The following CSNK1G3 variants were observed in gnomAD, a reference collection of about 807,000 sequenced individuals.
CSNK1G3 encodes the protein casein kinase 1 gamma 3.
Under a neutral mutation model 64.3 loss-of-function variants are expected in CSNK1G3, and 23 were observed. That is an observed-to-expected ratio of 0.36 (90% CI 0.26 to 0.51). The LOEUF is 0.51. Ranked by LOEUF, CSNK1G3 falls within the 20% of genes least tolerant of loss-of-function variation. The pLI, the probability that CSNK1G3 is intolerant of heterozygous loss-of-function variation, is 0.96. For synonymous variants in CSNK1G3, 158 were observed against 162.2 expected (o/e 0.97, Z 0.20); for missense variants, 357 against 510.5 (o/e 0.70, Z 2.90).
chr5:123,518,723 A>G (rs560434854), intron 1 of CSNK1G3, among the ~76,000 whole-genome samples: 2 of 152,320 alleles, frequency 1.3e-5, no homozygotes, highest in Non-Finnish European at 2.9e-5. Context: ...ACCTTCTGCA[A>G]TTGGTGTTGG....
intron 6 of CSNK1G3, among the ~76,000 whole-genome samples, chr5:123,579,006 A>G (rs1789716266): frequency 6.6e-6 from 1 of 151,998 alleles, no homozygotes; most frequent in African/African-American, 2.4e-5. Context: ...ATGTGAACCA[A>G]TCAGTATATA....
chr5:123,557,930 C>T (rs1471260953), intron 4 of CSNK1G3, among the ~76,000 whole-genome samples: 2 of 152,116 alleles, frequency 1.3e-5, no homozygotes, highest in African/African-American at 2.4e-5. Flanking sequence ...TCCCTAGAAC[C>T]TCTACATGTT....
chr5:123,567,795 G>C (rs567498678), intron 4 of CSNK1G3, among the ~76,000 whole-genome samples: 1 of 152,170 alleles, frequency 6.6e-6, no homozygotes, highest in Non-Finnish European at 1.5e-5. Flanking sequence ...GTTGTGGGCT[G>C]TGAATTTTAA....
intron 1 of CSNK1G3, among the ~76,000 whole-genome samples, chr5:123,532,633 T>C (rs917100876): frequency 5.3e-5 from 8 of 151,908 alleles, no homozygotes; most frequent in African/African-American, 1.9e-4. Flanking sequence ...CTATTATTGA[T>C]GGCGTCTGTT....
At chr5:123,571,699 T>C (rs1388892593) in intron 4 of CSNK1G3, among the ~76,000 whole-genome samples, 2 of 152,166 alleles carry the variant, frequency 1.3e-5, no homozygotes, top group Admixed American at 1.3e-4. Flanking sequence ...AATAATGTTA[T>C]ATTTAAAAAA....
At chr5:123,605,349 G>A (rs1413537409) in exon 12 of CSNK1G3, 1 of 1,609,632 alleles carries the variant, frequency 6.2e-7, no homozygotes, top group Non-Finnish European at 8.5e-7. Flanking sequence ...CTGCCAGAAA[G>A]TGTTGAACAT....
intron 4 of CSNK1G3, among the ~76,000 whole-genome samples, chr5:123,558,198 T>C (rs1020401689): frequency 4.6e-5 from 7 of 152,128 alleles, no homozygotes; most frequent in Non-Finnish European, 7.4e-5. Flanking sequence ...TCCATAACTG[T>C]AAAAAAATAA....
At chr5:123,579,705 A>G (rs1318070064) in intron 6 of CSNK1G3, among the ~76,000 whole-genome samples, 1 of 152,008 alleles carries the variant, frequency 6.6e-6, no homozygotes, top group Non-Finnish European at 1.5e-5. Flanking sequence ...AGGAAAAGTC[A>G]TCAGTACCTA....
At chr5:123,597,519 A>T (rs1793657112) in intron 10 of CSNK1G3, among the ~76,000 whole-genome samples, 1 of 152,128 alleles carries the variant, frequency 6.6e-6, no homozygotes, top group Non-Finnish European at 1.5e-5. Context: ...CATTGCTGTC[A>T]GTGAAGCACT....
exon 13 of CSNK1G3, chr5:123,614,529 C>T: frequency 4.7e-6 from 3 of 644,692 alleles, no homozygotes; most frequent in South Asian, 6.4e-5. Flanking sequence ...TACTTTCATA[C>T]TTCATTTTGT....
chr5:123,576,787 T>C (rs984714869), intron 6 of CSNK1G3, among the ~76,000 whole-genome samples: 6 of 152,156 alleles, frequency 3.9e-5, no homozygotes, highest in Non-Finnish European at 4.4e-5. Context: ...CAAATTTCTC[T>C]ACTGAAAAGT....
chr5:123,596,820 G>C (rs1189654733), intron 10 of CSNK1G3, among the ~76,000 whole-genome samples: 4 of 152,046 alleles, frequency 2.6e-5, no homozygotes, highest in Non-Finnish European at 5.9e-5. Flanking sequence ...TTGACTTCAT[G>C]TATTTTGTAA....
In CSNK1G3 at chr5:123,588,202, T is replaced by C. The variant is rs1340587876; in HGVS notation, c.759+49T>C. The C allele has an allele frequency of 3.7e-6, 5 of 1,343,406 alleles. No individual in the cohort carries two copies. In the East Asian group the frequency reaches 9.2e-5, roughly 25 times the overall value. The allele number at this position is 1,343,406 out of a possible 1,614,324, so 83.2% of individuals were successfully genotyped here. A position where few individuals can be genotyped will look rare whatever the true frequency, so the allele number is the denominator to read the frequency against. ...TTGAATTTCATAAAATATTAAGATA[T>C]TAAGGTCCTGTCTTCCAACTAAACA... On this transcript the variant is annotated intron_variant, in intron 7 of 12. Coordinates refer to ENST00000345990, the Ensembl canonical transcript of CSNK1G3.
At chr5:123,591,498 G>A in intron 10 of CSNK1G3, 84 bp downstream of exon 10, 1 of 705,382 alleles carries the variant, frequency 1.4e-6, no homozygotes, top group Non-Finnish European at 2.3e-6. Flanking sequence ...ACAGACTGAA[G>A]GATTGAAAAT....
intron 12 of CSNK1G3, among the ~76,000 whole-genome samples, chr5:123,607,530 A>G (rs1221339795): frequency 2.0e-5 from 3 of 152,184 alleles, no homozygotes; most frequent in Non-Finnish European, 4.4e-5. Context: ...TTCCATTTAA[A>G]TGAAATGTCC....
chr5:123,535,446 T>C (rs374189155), intron 1 of CSNK1G3, among the ~76,000 whole-genome samples: 6 of 152,088 alleles, frequency 3.9e-5, no homozygotes, highest in African/African-American at 1.4e-4. Flanking sequence ...GAGAAACATG[T>C]AGGCAATTCT....
chr5:123,552,992 C>G (rs1475958714), intron 2 of CSNK1G3, 115 bp from the exon 3 acceptor site: 4 of 534,794 alleles, frequency 7.5e-6, no homozygotes, highest in Non-Finnish European at 1.3e-5. Flanking sequence ...CAAATAGAAG[C>G]AAAAACCTAT....
chr5:123,605,255 A>T, intron 11 of CSNK1G3, 84 bp from the exon 13 acceptor site: 1 of 1,236,128 alleles, frequency 8.1e-7, no homozygotes, highest in Non-Finnish European at 1.1e-6. Flanking sequence ...ATGAAAAACA[A>T]TGTGATAATT....
Position 123,586,743 on chromosome 5 carries a change from A to G in CSNK1G3, c.674-1325A>G, listed in dbSNP as rs577799225. 5.9e-5 allele frequency among the ~76,000 whole-genome samples: 9 copies of G among 152,334 alleles called. No individual in the cohort carries two copies. The South Asian group carries it at 1.7e-3, about 28-fold the overall frequency. On this transcript the variant is annotated intron_variant, in intron 6 of 12. Coordinates refer to ENST00000345990, the Ensembl canonical transcript of CSNK1G3. Reference sequence around the variant, plus strand: ...AACACAAACATAGTATCTTTAAATCATAACAAGTGTTATTGAAAACAAGTG... The same window carrying G: ...AACACAAACATAGTATCTTTAAATCGTAACAAGTGTTATTGAAAACAAGTG...
Sources: gnomAD v4.1 joint callset for allele counts (sites outside exome capture counted in the v4.1 genomes callset) on GRCh38, gnomAD v4.1.1 for gene constraint, MANE v1.5 for transcripts, NCBI Gene and HGNC (gene_info 2026-07-23, HGNC 2026-07-21) for gene names.